Variants in FAM135B observed in about 807,000 individuals in gnomAD.
FAM135B encodes protein FAM135B.
In FAM135B, 43 loss-of-function variants were observed where a neutral mutation model predicts 127.7. The observed-to-expected ratio is 0.34, with a 90% CI of 0.26 to 0.43. The LOEUF (loss-of-function observed/expected upper bound fraction) is 0.43, where lower values mean the gene tolerates loss of function less well. FAM135B is among the 20% of genes least tolerant of loss of function. The probability of loss-of-function intolerance (pLI) is 1.00; values close to 1 mark genes in which losing one functional copy is unlikely to be tolerated. For synonymous variants in FAM135B, 670 were observed against 665.1 expected (o/e 1.01, Z -0.11); for missense variants, 1,558 against 1,725.6 (o/e 0.90, Z 1.72).
At chr8:138,407,861 G>A (rs993930966) in intron 1 of FAM135B, among the ~76,000 whole-genome samples, 3 of 152,142 alleles carry the variant, frequency 2.0e-5, no homozygotes, top group South Asian at 4.2e-4. Flanking sequence ...AGGACTTCAT[G>A]TCTAAAACAC....
chr8:138,209,752 T>C (rs1236638521), intron 7 of FAM135B, among the ~76,000 whole-genome samples: 1 of 152,118 alleles, frequency 6.6e-6, no homozygotes, highest in African/African-American at 2.4e-5. Context: ...CTTAGGAAAG[T>C]TGTAATCATG....
intron 1 of FAM135B, among the ~76,000 whole-genome samples, chr8:138,386,412 G>A (rs1159169300): frequency 6.6e-6 from 1 of 152,068 alleles, no homozygotes; most frequent in African/African-American, 2.4e-5. Flanking sequence ...AGAAAAAACT[G>A]AGTTACGATG....
chr8:138,195,858 G>C (rs970587876), intron 8 of FAM135B, among the ~76,000 whole-genome samples: 1 of 152,172 alleles, frequency 6.6e-6, no homozygotes, highest in African/African-American at 2.4e-5. Context: ...AGTTGTGACT[G>C]GGTTTGAACT....
intron 1 of FAM135B, among the ~76,000 whole-genome samples, chr8:138,425,951 C>A (rs1834818392): frequency 8.1e-6 from 1 of 123,262 alleles, no homozygotes; most frequent in Non-Finnish European, 1.7e-5. Flanking sequence ...GAGTTCGAGA[C>A]CAGCCAGGCC....
chr8:138,237,465 T>A (rs1820392025), intron 7 of FAM135B, among the ~76,000 whole-genome samples: 1 of 152,112 alleles, frequency 6.6e-6, no homozygotes, highest in African/African-American at 2.4e-5. Flanking sequence ...CCAGCCTGAA[T>A]CCTTGATCTT....
At chr8:138,336,176 C>T (rs1377339474) in intron 2 of FAM135B, among the ~76,000 whole-genome samples, 1 of 151,846 alleles carries the variant, frequency 6.6e-6, no homozygotes, top group African/African-American at 2.4e-5. Flanking sequence ...AATTGACACC[C>T]TAACATCACA....
intron 3 of FAM135B, among the ~76,000 whole-genome samples, chr8:138,271,984 C>A (rs747455389): frequency 3.3e-5 from 5 of 151,196 alleles, no homozygotes; most frequent in Middle Eastern, 6.4e-3. Flanking sequence ...GTTGATGGTA[C>A]AATGATGACT....
intron 2 of FAM135B, among the ~76,000 whole-genome samples, chr8:138,314,535 G>T (rs1826925876): frequency 2.0e-5 from 3 of 151,872 alleles, no homozygotes; most frequent in Admixed American, 1.3e-4. Context: ...ATGCTCAAAT[G>T]TTCATACACA....
At chr8:138,252,735 CAA>C (rs925304057) in intron 5 of FAM135B, among the ~76,000 whole-genome samples, 2 of 152,026 alleles carry the variant, frequency 1.3e-5, no homozygotes, top group Non-Finnish European at 2.9e-5. Flanking sequence ...ATTAAACAAA[CAA>C]AAAACACACA....
At chr8:138,426,433 A>T (rs1347225345) in intron 1 of FAM135B, among the ~76,000 whole-genome samples, 1 of 151,610 alleles carries the variant, frequency 6.6e-6, no homozygotes, top group East Asian at 1.9e-4. Context: ...ACTAAAACTA[A>T]GCATGCATGT....
At chr8:138,348,704 A>T (rs1829580787) in intron 2 of FAM135B, among the ~76,000 whole-genome samples, 1 of 152,304 alleles carries the variant, frequency 6.6e-6, no homozygotes, top group African/African-American at 2.4e-5. Context: ...CCTTCTTTTC[A>T]CTTTCAGTCT....
intron 12 of FAM135B, 58 bp from the exon 13 acceptor site, chr8:138,153,274 T>G (rs1818358631): frequency 7.5e-7 from 1 of 1,339,402 alleles, no homozygotes; most frequent in Non-Finnish European, 1.0e-6. Context: ...GTTTACAAGT[T>G]ATCCAAATGT....
chr8:138,433,456 G>C (rs1835302145), intron 1 of FAM135B, among the ~76,000 whole-genome samples: 1 of 151,786 alleles, frequency 6.6e-6, no homozygotes, highest in Non-Finnish European at 1.5e-5. Flanking sequence ...CCGGACAGCA[G>C]AGGTTGCAGT....
At chr8:138,251,999 T>C (rs1268960163) in intron 5 of FAM135B, among the ~76,000 whole-genome samples, 1 of 152,216 alleles carries the variant, frequency 6.6e-6, no homozygotes, top group Non-Finnish European at 1.5e-5. Context: ...CTTGAAACCC[T>C]TGTTCCTTGT....
At chr8:138,373,881 C>T (rs1831303761) in intron 1 of FAM135B, among the ~76,000 whole-genome samples, 1 of 152,078 alleles carries the variant, frequency 6.6e-6, no homozygotes, top group Admixed American at 6.6e-5. Flanking sequence ...GCTCTCAAAC[C>T]CTGTCTCCTG....
At chr8:138,315,032 C>T (rs538629935) in intron 2 of FAM135B, among the ~76,000 whole-genome samples, 44 of 151,810 alleles carry the variant, frequency 2.9e-4, no homozygotes, top group African/African-American at 1.0e-3. Context: ...TGGCCACTTA[C>T]AATCAAAAGA....
chr8:138,159,555 G>C (rs1428042622), intron 12 of FAM135B, among the ~76,000 whole-genome samples: 1 of 145,936 alleles, frequency 6.9e-6, no homozygotes, highest in African/African-American at 2.5e-5. Flanking sequence ...ATTGAACAAT[G>C]AGAACACCTG....
intron 1 of FAM135B, chr8:138,459,306 G>A (rs1439608160): frequency 6.6e-6 from 1 of 152,188 alleles, no homozygotes; most frequent in East Asian, 1.9e-4. Flanking sequence ...TACTATGGGG[G>A]AAGAAAACCA....
intron 7 of FAM135B, among the ~76,000 whole-genome samples, chr8:138,235,618 A>T (rs2130271588): frequency 6.6e-6 from 1 of 152,204 alleles, no homozygotes; most frequent in African/African-American, 2.4e-5. Flanking sequence ...AAGAAATAAG[A>T]TTTCTGCCTG....
Sources: gnomAD v4.1 joint callset for allele counts (sites outside exome capture counted in the v4.1 genomes callset) on GRCh38, gnomAD v4.1.1 for gene constraint, MANE v1.5 for transcripts, NCBI Gene and HGNC (gene_info 2026-07-23, HGNC 2026-07-21) for gene names.